The following HCK variants were observed in gnomAD, a reference collection of about 807,000 sequenced individuals.
HCK encodes the protein HCK proto-oncogene, Src family tyrosine kinase.
A neutral mutation model predicts 70.4 loss-of-function variants in HCK; 40 were observed. The observed-to-expected ratio is 0.57, with a 90% CI of 0.44 to 0.74. The LOEUF (loss-of-function observed/expected upper bound fraction) is 0.74. HCK is among the 30% of genes least tolerant of loss of function. HCK has a pLI of 0.00. For missense variants in HCK, 568 were observed against 697.2 expected (o/e 0.81, Z 2.09); for synonymous variants, 245 against 263.2 (o/e 0.93, Z 0.67).
intron 5 of HCK, among the ~76,000 whole-genome samples, chr20:32,078,504 C>T (rs2045660909): frequency 6.6e-6 from 1 of 152,102 alleles, no homozygotes; most frequent in Admixed American, 6.5e-5. Flanking sequence ...GCCTCTACAA[C>T]TTCCCAGCTG....
At chr20:32,066,334 C>G (rs113011250) in intron 1 of HCK, among the ~76,000 whole-genome samples, 8 of 16,918 alleles carry the variant, frequency 4.7e-4, no homozygotes, top group Admixed American at 7.8e-4. Flanking sequence ...TTTTTTTTGA[C>G]AGAGTCTTGC....
intron 10 of HCK, among the ~76,000 whole-genome samples, chr20:32,091,319 A>G (rs2045860720): frequency 6.6e-6 from 1 of 152,240 alleles, no homozygotes; most frequent in South Asian, 2.1e-4. Context: ...GTGGACCCCA[A>G]GCAGCGCTTT....
intron 9 of HCK, among the ~76,000 whole-genome samples, chr20:32,087,410 C>T (rs1288989351): frequency 6.6e-6 from 1 of 152,046 alleles, no homozygotes; most frequent in Non-Finnish European, 1.5e-5. Context: ...CCCCAGCCCC[C>T]CGAGTGGCTG....
chr20:32,095,856 A>G (rs1052757849), intron 11 of HCK, among the ~76,000 whole-genome samples: 3 of 146,042 alleles, frequency 2.1e-5, no homozygotes, highest in African/African-American at 5.1e-5. Flanking sequence ...CTGTTAGCCT[A>G]ATATTTATTT....
chr20:32,059,350 C>A lies in HCK; in HGVS notation c.62+6864C>A, dbSNP rs547043071. The stretch of plus-strand genomic sequence containing the variant: ...TCTTCTTTCCCTTCTTTCCTTCCCC[C>A]CTTCTCCTCCTCCTCTTCCTCCTCC... On this transcript the variant is annotated intron_variant, in intron 1 of 12. Coordinates refer to ENST00000375852, the MANE Select transcript of HCK (RefSeq NM_002110.5). 2.1e-4 allele frequency among the ~76,000 whole-genome samples: 31 copies of A among 150,198 alleles called. No individual in the cohort carries two copies. The South Asian group carries it at 6.0e-3, about 29-fold the overall frequency.
At chr20:32,068,143 C>T (rs1039872918) in intron 1 of HCK, among the ~76,000 whole-genome samples, 2 of 151,556 alleles carry the variant, frequency 1.3e-5, no homozygotes, top group African/African-American at 4.8e-5. Context: ...CTAAAAAATA[C>T]AAAAATTAGC....
chr20:32,073,461 CCT>C, intron 3 of HCK, 100 bp downstream of exon 3: 1 of 1,089,260 alleles, frequency 9.2e-7, no homozygotes, highest in South Asian at 1.5e-5. Context: ...CAGTCAAACC[CCT>C]GTCGAGAATC....
intron 1 of HCK, among the ~76,000 whole-genome samples, chr20:32,067,451 A>G (rs1363445914): frequency 1.3e-5 from 2 of 149,254 alleles, no homozygotes; most frequent in East Asian, 3.9e-4. Context: ...GCTTCTTAGT[A>G]TGTGGCTTCG....
chr20:32,081,389 C>A (rs775919396), intron 6 of HCK, among the ~76,000 whole-genome samples: 32 of 152,270 alleles, frequency 2.1e-4, no homozygotes, highest in Non-Finnish European at 4.3e-4. Context: ...AGGCTCATTG[C>A]CTCAAAGGAA....
chr20:32,069,616 T>A (rs947583401), intron 1 of HCK: 1 of 436,458 alleles, frequency 2.3e-6, no homozygotes, highest in Non-Finnish European at 4.5e-6. Context: ...TGTGCTTAAT[T>A]ATGATAATTT....
At chr20:32,073,507 T>C in intron 3 of HCK, 146 bp downstream of exon 3, 1 of 718,672 alleles carries the variant, frequency 1.4e-6, no homozygotes, top group East Asian at 2.7e-5. Flanking sequence ...TTGCGCAGGC[T>C]ATTGTGTTTC....
chr20:32,092,523 C>T lies in HCK; in HGVS notation c.1093-1340C>T, dbSNP rs118156741. On this transcript the variant is annotated intron_variant, in intron 10 of 12. Transcript: ENST00000375852. ...TCCTGGTGTGAATAAGAATCCTCCA[C>T]GCAGTCTGTTAGTCACTCAGCAGCC... is the stretch of plus-strand genomic sequence containing the variant. 2.9e-3 allele frequency among the ~76,000 whole-genome samples: 445 copies of T among 152,276 alleles called. 4 individuals carry two copies. The East Asian group carries it at 0.036, about 12-fold the overall frequency.
rs879290871 is a variant in HCK at position 32,094,802 on chromosome 20, A to AC, written c.1246+786_1246+787insC. On this transcript the variant is annotated intron_variant, in intron 11 of 12. Coordinates refer to ENST00000375852, the MANE Select transcript of HCK (RefSeq NM_002110.5). Reference sequence around the variant, plus strand: ...GAGAGAGAAAGAGAAAGAAAGAAAGAAAGAAAGAAAGAAAGAAAGAAAGAA... The same window carrying AC: ...GAGAGAGAAAGAGAAAGAAAGAAAGACAAGAAAGAAAGAAAGAAAGAAAGAA... Among the ~76,000 whole-genome samples, 378 of 78,466 alleles carry AC rather than the reference A, an allele frequency of 4.8e-3. 7 individuals carry two copies. The highest frequency in any genetic ancestry group is 0.013 in the African/African-American group (354 of 26,626). The allele number at this position is 78,466 out of a possible 152,430, so 51.5% of individuals were successfully genotyped here. A position where few individuals can be genotyped will look rare whatever the true frequency, so the allele number is the denominator to read the frequency against.
chr20:32,094,773 GAAAGAGAGAGAA>G (rs1235346989), intron 11 of HCK, among the ~76,000 whole-genome samples: 1 of 116,838 alleles, frequency 8.6e-6, no homozygotes, highest in Non-Finnish European at 1.8e-5. Context: ...AGGAAAGAAA[GAAAGAGAGAGAA>G]AGAGAAAGAA....
At chr20:32,094,791 AAGAAAG>A (rs1191727061) in intron 11 of HCK, among the ~76,000 whole-genome samples, 1 of 21,710 alleles carries the variant, frequency 4.6e-5, no homozygotes, top group African/African-American at 9.8e-5. Context: ...GAGAAAGAGA[AAGAAAG>A]AAAGAAAGAA....
chr20:32,055,837 C>A (rs560602375), intron 1 of HCK, among the ~76,000 whole-genome samples: 1 of 152,142 alleles, frequency 6.6e-6, no homozygotes, highest in African/African-American at 2.4e-5. Flanking sequence ...ACCCCCCATT[C>A]CCCCGGCCCC....
intron 10 of HCK, among the ~76,000 whole-genome samples, chr20:32,092,619 C>T (rs141629066): frequency 7.2e-5 from 11 of 152,182 alleles, no homozygotes; most frequent in Admixed American, 4.6e-4. Flanking sequence ...CTCCCCAACA[C>T]GCTCAGAATA....
intron 6 of HCK, among the ~76,000 whole-genome samples, chr20:32,081,815 C>G (rs1051586730): frequency 6.6e-6 from 1 of 152,228 alleles, no homozygotes; most frequent in African/African-American, 2.4e-5. Flanking sequence ...TGGGCTGGTC[C>G]ATCCTGCAGA....
At chr20:32,082,581 G>A (rs1207017490) in intron 6 of HCK, among the ~76,000 whole-genome samples, 2 of 152,114 alleles carry the variant, frequency 1.3e-5, no homozygotes, top group African/African-American at 2.4e-5. Context: ...GGCAGAGATT[G>A]CAGTGAGCCA....
Sources: gnomAD v4.1 joint callset for allele counts (sites outside exome capture counted in the v4.1 genomes callset) on GRCh38, gnomAD v4.1.1 for gene constraint, MANE v1.5 for transcripts, NCBI Gene and HGNC (gene_info 2026-07-23, HGNC 2026-07-21) for gene names.